The following RCAN2 variants were observed in gnomAD, a reference collection of about 807,000 sequenced individuals.
The protein encoded by RCAN2 is calcipressin-2.
Under a neutral mutation model 23.6 loss-of-function variants are expected in RCAN2, and 9 were observed. The observed-to-expected ratio is 0.38, with a 90% CI of 0.23 to 0.67. The LOEUF is 0.67. RCAN2 is among the 30% of genes least tolerant of loss of function. The pLI is 0.51. For synonymous variants in RCAN2, 109 were observed against 115.7 expected, an observed-to-expected ratio of 0.94 and a Z score of 0.37; for missense variants, 273 against 302.3, an observed-to-expected ratio of 0.90 and a Z score of 0.72.
At chr6:46,301,042 A>T (rs1762890317) in intron 2 of RCAN2, among the ~76,000 whole-genome samples, 1 of 152,056 alleles carries the variant, frequency 6.6e-6, no homozygotes, top group African/African-American at 2.4e-5. Context: ...GGGAAAACTG[A>T]AACATCTTGT....
intron 2 of RCAN2, among the ~76,000 whole-genome samples, chr6:46,328,524 G>A (rs1030008822): frequency 4.6e-5 from 7 of 152,190 alleles, no homozygotes; most frequent in African/African-American, 9.7e-5. Flanking sequence ...ATAGTCATTC[G>A]TCTATACAAT....
At chr6:46,300,481 A>T (rs1211402501) in intron 2 of RCAN2, among the ~76,000 whole-genome samples, 1 of 152,022 alleles carries the variant, frequency 6.6e-6, no homozygotes, top group African/African-American at 2.4e-5. Context: ...CTATATCTAA[A>T]TCTCTTTAAC....
At chr6:46,327,226 T>C (rs1303762383) in intron 2 of RCAN2, among the ~76,000 whole-genome samples, 3 of 152,146 alleles carry the variant, frequency 2.0e-5, no homozygotes, top group Middle Eastern at 3.2e-3. Flanking sequence ...AAGTGTTCAG[T>C]GGGAGCACTG....
chr6:46,299,116 G>C (rs149110048), intron 2 of RCAN2, among the ~76,000 whole-genome samples: 154 of 152,146 alleles, frequency 1.0e-3, no homozygotes, highest in Middle Eastern at 3.4e-3. Flanking sequence ...GGGAAGAATA[G>C]GAGGGGGTTA....
intron 2 of RCAN2, among the ~76,000 whole-genome samples, chr6:46,318,117 G>C (rs907899328): frequency 1.3e-5 from 2 of 152,230 alleles, no homozygotes; most frequent in Non-Finnish European, 2.9e-5. Flanking sequence ...TGACATGTGG[G>C]ATGGTTTAAT....
At chr6:46,417,080 C>T (rs183834928) in intron 2 of RCAN2, among the ~76,000 whole-genome samples, 6 of 152,258 alleles carry the variant, frequency 3.9e-5, no homozygotes, top group Non-Finnish European at 8.8e-5. Context: ...AAATCTTTGT[C>T]CAATATTGCT....
chr6:46,228,822 C>A (rs1765772098), intron 4 of RCAN2, among the ~76,000 whole-genome samples: 1 of 152,136 alleles, frequency 6.6e-6, no homozygotes, highest in Non-Finnish European at 1.5e-5. Context: ...ATGATGTTAG[C>A]TGGTTATTTT....
At chr6:46,370,040 G>C (rs1181883841) in intron 2 of RCAN2, among the ~76,000 whole-genome samples, 2 of 152,168 alleles carry the variant, frequency 1.3e-5, no homozygotes, top group African/African-American at 2.4e-5. Context: ...ACAGGGGGCA[G>C]GTCTCAGGTC....
intron 2 of RCAN2, among the ~76,000 whole-genome samples, chr6:46,425,684 T>C (rs1767010739): frequency 6.6e-6 from 1 of 152,156 alleles, no homozygotes; most frequent in South Asian, 2.1e-4. Context: ...CTATGATTAG[T>C]TCCTTGAGTT....
At chr6:46,248,451 T>C (rs979218100) in intron 3 of RCAN2, among the ~76,000 whole-genome samples, 2 of 152,104 alleles carry the variant, frequency 1.3e-5, no homozygotes, top group African/African-American at 2.4e-5. Context: ...CATAACAGTA[T>C]GGGGTGTAGA....
chr6:46,237,978 T>C (rs565284554), intron 4 of RCAN2, among the ~76,000 whole-genome samples: 36 of 152,136 alleles, frequency 2.4e-4, no homozygotes, highest in Non-Finnish European at 3.5e-4. Context: ...CCCAGAAACA[T>C]TGCATGGAAC....
chr6:46,489,101 A>G (rs1415813643), intron 1 of RCAN2, among the ~76,000 whole-genome samples: 1 of 152,206 alleles, frequency 6.6e-6, no homozygotes, highest in Non-Finnish European at 1.5e-5. Context: ...CAGAACATGT[A>G]GGTGTCCTCT....
intron 2 of RCAN2, among the ~76,000 whole-genome samples, chr6:46,266,739 G>T (rs1430009413): frequency 6.6e-6 from 1 of 152,108 alleles, no homozygotes; most frequent in Non-Finnish European, 1.5e-5. Flanking sequence ...ATCAAGCTTT[G>T]TCTCCAGCAT....
At chr6:46,488,940 C>A (rs1352515795) in intron 1 of RCAN2, among the ~76,000 whole-genome samples, 2 of 152,112 alleles carry the variant, frequency 1.3e-5, no homozygotes, top group Non-Finnish European at 2.9e-5. Context: ...TTTTGCAACC[C>A]CACCTCCTCA....
chr6:46,247,558 G>C (rs1341279271), intron 3 of RCAN2, among the ~76,000 whole-genome samples: 1 of 152,170 alleles, frequency 6.6e-6, no homozygotes, highest in Non-Finnish European at 1.5e-5. Flanking sequence ...TGTCTCTACA[G>C]ATTTACCTGT....
At chr6:46,292,139 G>A (rs953126727) in intron 2 of RCAN2, among the ~76,000 whole-genome samples, 5 of 152,156 alleles carry the variant, frequency 3.3e-5, no homozygotes, top group African/African-American at 1.2e-4. Context: ...ACCAACCTCA[G>A]TTCTTTCTTG....
At chr6:46,390,674 T>C (rs998085313) in intron 2 of RCAN2, among the ~76,000 whole-genome samples, 6 of 152,202 alleles carry the variant, frequency 3.9e-5, no homozygotes, top group Admixed American at 3.9e-4. Context: ...TTCTGTAGGA[T>C]TACTAGACTG....
At chr6:46,287,554 G>T (rs978230812) in intron 2 of RCAN2, among the ~76,000 whole-genome samples, 1 of 152,226 alleles carries the variant, frequency 6.6e-6, no homozygotes. Context: ...GATATCATTA[G>T]CAGAAGCATG....
chr6:46,364,154 A>C (rs1179982311), intron 2 of RCAN2, among the ~76,000 whole-genome samples: 1 of 152,150 alleles, frequency 6.6e-6, no homozygotes, highest in Non-Finnish European at 1.5e-5. Flanking sequence ...GTGCTTCCCA[A>C]TTCTTCCGTG....
Sources: allele counts gnomAD v4.1 joint callset (sites outside exome capture counted in the v4.1 genomes callset), GRCh38; gene constraint gnomAD v4.1.1; transcripts MANE v1.5; gene names NCBI Gene and HGNC (gene_info 2026-07-23, HGNC 2026-07-21).